The following CLPTM1L variants were observed in gnomAD, a reference collection of about 807,000 sequenced individuals.
CLPTM1L encodes lipid scramblase CLPTM1L.
In CLPTM1L, 38 loss-of-function variants were observed where a neutral mutation model predicts 70.9. The ratio of observed to expected loss-of-function variants is 0.54; its 90% CI spans 0.41 to 0.70. The LOEUF is 0.70. CLPTM1L is among the 30% of genes least tolerant of loss of function. The probability of loss-of-function intolerance (pLI) is 0.00; values close to 1 mark genes in which losing one functional copy is unlikely to be tolerated. For synonymous variants in CLPTM1L, 339 were observed against 299.9 expected (o/e 1.13, Z -1.35); for missense variants, 652 against 705.9 (o/e 0.92, Z 0.87).
chr5:1,337,114 G>C (rs866839454), intron 5 of CLPTM1L, among the ~76,000 whole-genome samples: 11 of 152,218 alleles, frequency 7.2e-5, no homozygotes, highest in Non-Finnish European at 1.2e-4. Flanking sequence ...AGGCAGGGCA[G>C]GGCAGCGATC....
At chr5:1,335,264 C>T in intron 5 of CLPTM1L, 90 bp from the exon 6 acceptor site, 1 of 1,043,906 alleles carries the variant, frequency 9.6e-7, no homozygotes, top group South Asian at 1.4e-5. Flanking sequence ...ATCCCCCTTC[C>T]CATCCCTGTG....
intron 4 of CLPTM1L, 171 bp from the exon 5 acceptor site, chr5:1,338,153 C>T (rs1481112227): frequency 3.1e-6 from 2 of 635,706 alleles, no homozygotes; most frequent in Non-Finnish European, 5.7e-6. Context: ...AAGCAGAGAG[C>T]CTGACAACAT....
At chr5:1,337,233 A>T (rs893532492) in intron 5 of CLPTM1L, among the ~76,000 whole-genome samples, 1 of 152,264 alleles carries the variant, frequency 6.6e-6, no homozygotes, top group African/African-American at 2.4e-5. Flanking sequence ...CAAAGTGCTT[A>T]GCACAGTGCC....
At chr5:1,336,594 G>A (rs765884462) in intron 5 of CLPTM1L, among the ~76,000 whole-genome samples, 4 of 152,208 alleles carry the variant, frequency 2.6e-5, no homozygotes, top group African/African-American at 4.8e-5. Context: ...GCTCTGTATG[G>A]GGCATTTTAG....
In CLPTM1L at chr5:1,320,610, A is replaced by G; in HGVS notation, c.1532+6T>C. Reference sequence around the variant, plus strand: ...GCAACGGCCGAGCATACGCAGCCGCACTCACCACCGCTGGTACAGGTAGAC... The same window carrying G: ...GCAACGGCCGAGCATACGCAGCCGCGCTCACCACCGCTGGTACAGGTAGAC... On this transcript the variant is annotated splice_donor_region_variant and intron_variant, in intron 16 of 16. Transcript: ENST00000320895. 1.3e-6 allele frequency: 2 copies of G among 1,511,584 alleles called. No homozygotes were observed. Among genetic ancestry groups the G allele is most frequent in the Non-Finnish European group, 1.8e-6 (2 of 1,119,664 alleles). 93.6% of individuals were successfully genotyped at this position (1,511,584 alleles called of 1,614,324 possible).
At chr5:1,339,707 G>C (rs1753820429) in intron 3 of CLPTM1L, among the ~76,000 whole-genome samples, 1 of 77,368 alleles carries the variant, frequency 1.3e-5, no homozygotes, top group Non-Finnish European at 2.5e-5. Flanking sequence ...CGGGACAGCA[G>C]AGTCAGCGCC....
intron 16 of CLPTM1L, among the ~76,000 whole-genome samples, chr5:1,319,272 TGTGA>T (rs972646567): frequency 1.1e-4 from 15 of 141,138 alleles, no homozygotes; most frequent in African/African-American, 3.5e-4. Flanking sequence ...CCCGTGTGAG[TGTGA>T]GTGTTGCTTA....
chr5:1,326,347 C>T lies in CLPTM1L; in HGVS notation c.1081-531G>A, dbSNP rs1408090338. On this transcript the variant is annotated intron_variant, in intron 9 of 16. Coordinates refer to ENST00000320895, the MANE Select transcript of CLPTM1L (RefSeq NM_030782.5). The stretch of plus-strand genomic sequence containing the variant: ...GACATTCCATCCAGCTCCTCCTCTA[C>T]AGACACATTCCATGCAGCTCCTCCT... 19 of 268,230 alleles carry T rather than the reference C, an allele frequency of 7.1e-5. 1 individual carries two copies. Among genetic ancestry groups the T allele is most frequent in the Non-Finnish European group, 1.2e-4 (17 of 141,910 alleles). The allele number at this position is 268,230 out of a possible 1,614,324, so 16.6% of individuals were successfully genotyped here. A position where few individuals can be genotyped will look rare whatever the true frequency, so the allele number is the denominator to read the frequency against.
At position 1,334,505 on chromosome 5, in the gene CLPTM1L, G is replaced by A. The variant is rs1025943620; in HGVS notation, c.797-122C>T. ...GCAGTGGCTCATGCCTGTAAACCCA[G>A]CACTTTGGGAATCTCAGGCAGGCAG... is the stretch of plus-strand genomic sequence containing the variant. On this transcript the variant is annotated intron_variant, in intron 6 of 16. Coordinates refer to ENST00000320895, the MANE Select transcript of CLPTM1L (RefSeq NM_030782.5). 2.8e-5 allele frequency: 18 copies of A among 645,462 alleles called. No homozygotes were observed. In the Middle Eastern group the frequency reaches 1.6e-3, roughly 58 times the overall value. The allele number at this position is 645,462 out of a possible 1,614,324, so 40.0% of individuals were successfully genotyped here.
chr5:1,326,275 T>A (rs969348530), intron 9 of CLPTM1L: 5 of 257,910 alleles, frequency 1.9e-5, no homozygotes, highest in Non-Finnish European at 3.7e-5. Flanking sequence ...GGAGGGACCC[T>A]GCCTGTGGAG....
At chr5:1,323,699 C>T in intron 12 of CLPTM1L, 88 bp downstream of exon 12, 2 of 1,156,422 alleles carry the variant, frequency 1.7e-6, no homozygotes, top group Non-Finnish European at 2.6e-6. Flanking sequence ...CCGAGTTTGC[C>T]CTCCAGTCGC....
At chr5:1,324,653 G>T in intron 11 of CLPTM1L, 110 bp downstream of exon 11, 1 of 1,088,258 alleles carries the variant, frequency 9.2e-7, no homozygotes, top group Non-Finnish European at 1.4e-6. Flanking sequence ...AAGGCGGGCT[G>T]ACCCGTACTC....
chr5:1,323,343 G>A (rs910403445), intron 12 of CLPTM1L, among the ~76,000 whole-genome samples: 2 of 131,984 alleles, frequency 1.5e-5, no homozygotes, highest in Non-Finnish European at 3.6e-5. Context: ...GGCAACAGAG[G>A]CTGGGGGCTC....
chr5:1,340,832 G>A (rs568725475), intron 3 of CLPTM1L, among the ~76,000 whole-genome samples: 203 of 152,310 alleles, frequency 1.3e-3, no homozygotes, highest in Non-Finnish European at 2.5e-3. Flanking sequence ...GCCCAGGCTG[G>A]AATGCAGTGG....
rs146400141 is a variant in CLPTM1L at position 1,334,357 on chromosome 5, C to A, written c.823G>T (p.Val275Leu). The change falls in exon 7 of 17, where the codon GTG becomes TTG. Residue 275 changes from valine (V) to leucine (L), a missense_variant. Transcript: ENST00000320895. ...FGFSEKDADE[V>L]KGIFVDTNLY... ...TTGGTATCTACAAAAATTCCTTTCA[C>A]CTCATCAGCATCTTTCTCTGAAAAC... 1.9e-6 allele frequency: 3 copies of A among 1,611,958 alleles called. No individual in the cohort carries two copies. Among genetic ancestry groups the A allele is most frequent in the Non-Finnish European group, 2.5e-6 (3 of 1,178,782 alleles).
intron 5 of CLPTM1L, among the ~76,000 whole-genome samples, chr5:1,337,618 C>T (rs955978452): frequency 5.3e-5 from 8 of 152,246 alleles, no homozygotes; most frequent in East Asian, 1.9e-4. Context: ...GCTCTCTAAG[C>T]GCTGCCCTCT....
At chr5:1,323,424 C>T (rs1232124112) in intron 12 of CLPTM1L, among the ~76,000 whole-genome samples, 8 of 150,036 alleles carry the variant, frequency 5.3e-5, no homozygotes, top group African/African-American at 9.8e-5. Context: ...GGACCCCTCT[C>T]GGCTCAGGGC....
chr5:1,326,874 G>T (rs944028046), intron 9 of CLPTM1L, among the ~76,000 whole-genome samples: 2 of 149,516 alleles, frequency 1.3e-5, no homozygotes, highest in African/African-American at 5.0e-5. Context: ...CTCCTCGACA[G>T]ACACATTTCA....
chr5:1,327,338 G>A (rs1434939936), intron 9 of CLPTM1L, among the ~76,000 whole-genome samples: 1 of 147,628 alleles, frequency 6.8e-6, no homozygotes, highest in Admixed American at 6.7e-5. Flanking sequence ...CTCCTCTACA[G>A]ACACATTCCA....
Sources: allele counts gnomAD v4.1 joint callset (sites outside exome capture counted in the v4.1 genomes callset), GRCh38; gene constraint gnomAD v4.1.1; transcripts MANE v1.5; gene names NCBI Gene and HGNC (gene_info 2026-07-23, HGNC 2026-07-21).